The following SDK1 variants were observed in gnomAD, a reference collection of about 807,000 sequenced individuals.
SDK1 encodes the protein sidekick cell adhesion molecule 1.
SDK1 carries 157 observed loss-of-function variants against 245.5 expected under a neutral mutation model. That is an observed-to-expected ratio of 0.64 (90% CI 0.56 to 0.73). The LOEUF (loss-of-function observed/expected upper bound fraction) is 0.73, where lower values mean the gene tolerates loss of function less well. Ranked by LOEUF, SDK1 falls within the 30% of genes least tolerant of loss-of-function variation. SDK1 has a pLI of 0.00. For missense variants in SDK1, 3,583 were observed against 3,002.3 expected (o/e 1.19, Z -4.52); for synonymous variants, 1,647 against 1,278.5 (o/e 1.29, Z -6.15).
At chr7:3,905,608 A>G (rs1403061082) in intron 5 of SDK1, among the ~76,000 whole-genome samples, 1 of 151,980 alleles carries the variant, frequency 6.6e-6, no homozygotes, top group African/African-American at 2.4e-5. Flanking sequence ...TTTCTTTAGA[A>G]TCATGTCCTT....
At chr7:3,681,427 C>T (rs117235587) in intron 4 of SDK1, among the ~76,000 whole-genome samples, 1 of 152,294 alleles carries the variant, frequency 6.6e-6, no homozygotes, top group East Asian at 1.9e-4. Flanking sequence ...CTGTACACAT[C>T]CCTGGTGTAC....
chr7:4,142,537 C>A (rs562667018), intron 28 of SDK1, among the ~76,000 whole-genome samples: 22 of 152,174 alleles, frequency 1.4e-4, no homozygotes, highest in African/African-American at 5.3e-4. Context: ...CCATTTTGGT[C>A]AGGCTGGCCT....
At chr7:3,994,729 A>G (rs969626245) in intron 14 of SDK1, among the ~76,000 whole-genome samples, 12 of 151,922 alleles carry the variant, frequency 7.9e-5, no homozygotes, top group Admixed American at 3.3e-4. Context: ...AATAAATTTT[A>G]TAGGGTTTAC....
rs1780351696 is a variant in SDK1 at position 4,151,122 on chromosome 7, C to T, written c.4625+1659C>T. On this transcript the variant is annotated intron_variant, in intron 30 of 44. Transcript: ENST00000404826. ...GTCCCCAGGAGGCACAGCTGGGTGT[C>T]AAATGCAAATCCTGACCAGAGTCCC... 2.0e-5 allele frequency among the ~76,000 whole-genome samples: 3 copies of T among 152,198 alleles called. No homozygotes were observed. In the South Asian group the frequency reaches 6.2e-4, roughly 32 times the overall value.
intron 1 of SDK1, among the ~76,000 whole-genome samples, chr7:3,363,793 C>A (rs1589545): frequency 6.6e-6 from 1 of 152,118 alleles, no homozygotes. Flanking sequence ...GTCCACTGCT[C>A]CCCTCCTGCT....
At chr7:3,304,907 A>G (rs1212769138) in intron 1 of SDK1, among the ~76,000 whole-genome samples, 2 of 152,306 alleles carry the variant, frequency 1.3e-5, no homozygotes, top group South Asian at 2.1e-4. Context: ...TGATCTGGGC[A>G]TCAGGATGCT....
chr7:3,993,416 CA>C (rs1784488820), intron 14 of SDK1, among the ~76,000 whole-genome samples: 1 of 152,014 alleles, frequency 6.6e-6, no homozygotes, highest in South Asian at 2.1e-4. Flanking sequence ...TTGCAGGTAA[CA>C]AACATATTAA....
intron 5 of SDK1, among the ~76,000 whole-genome samples, chr7:3,879,084 AC>A (rs1219749603): frequency 6.6e-6 from 1 of 152,160 alleles, no homozygotes; most frequent in African/African-American, 2.4e-5. Context: ...TGGTCTCCCC[AC>A]CTTTACGATT....
chr7:3,510,891 A>G (rs572464317), intron 1 of SDK1, among the ~76,000 whole-genome samples: 3 of 152,324 alleles, frequency 2.0e-5, no homozygotes, highest in East Asian at 1.9e-4. Flanking sequence ...TGCAGCCGCC[A>G]TTTCAAAATA....
chr7:3,681,434 G>A (rs1784097707), intron 4 of SDK1, among the ~76,000 whole-genome samples: 1 of 152,170 alleles, frequency 6.6e-6, no homozygotes, highest in East Asian at 1.9e-4. Flanking sequence ...CATCCCTGGT[G>A]TACTTGTGGA....
At chr7:4,155,625 A>G (rs956307792) in intron 30 of SDK1, among the ~76,000 whole-genome samples, 2 of 152,248 alleles carry the variant, frequency 1.3e-5, no homozygotes, top group African/African-American at 2.4e-5. Context: ...TCGCAAATAA[A>G]TAAATAAGTA....
intron 1 of SDK1, among the ~76,000 whole-genome samples, chr7:3,442,310 G>T (rs1422170173): frequency 6.6e-6 from 1 of 152,154 alleles, no homozygotes; most frequent in Non-Finnish European, 1.5e-5. Context: ...GGAAGCCAAG[G>T]TTCAACTCGT....
At chr7:3,544,247 A>G (rs1779146772) in intron 1 of SDK1, among the ~76,000 whole-genome samples, 1 of 152,256 alleles carries the variant, frequency 6.6e-6, no homozygotes, top group South Asian at 2.1e-4. Context: ...TTGGTTCCCA[A>G]CAGTTTATAA....
At chr7:4,200,088 C>A (rs1247132679) in intron 35 of SDK1, among the ~76,000 whole-genome samples, 1 of 152,142 alleles carries the variant, frequency 6.6e-6, no homozygotes, top group Non-Finnish European at 1.5e-5. Flanking sequence ...GAGTGATACT[C>A]CATCCCCCCA....
chr7:3,915,870 CT>C (rs1779358001), intron 5 of SDK1, among the ~76,000 whole-genome samples: 2 of 152,270 alleles, frequency 1.3e-5, no homozygotes, highest in African/African-American at 4.8e-5. Flanking sequence ...TTTTTACTTA[CT>C]TTTTTATTTA....
chr7:3,367,346 A>G (rs1218050408), intron 1 of SDK1, among the ~76,000 whole-genome samples: 1 of 152,162 alleles, frequency 6.6e-6, no homozygotes, highest in Non-Finnish European at 1.5e-5. Flanking sequence ...AGAAAATAAA[A>G]TAGAAAAGTT....
At chr7:3,670,642 GA>G (rs1783670839) in intron 4 of SDK1, among the ~76,000 whole-genome samples, 2 of 152,184 alleles carry the variant, frequency 1.3e-5, no homozygotes, top group East Asian at 3.9e-4. Context: ...TTTGCTTAAC[GA>G]ACCACCTCCC....
chr7:4,107,490 C>T (rs10227278), intron 22 of SDK1, among the ~76,000 whole-genome samples: 76,639 of 148,534 alleles, frequency 0.52, 21,190 homozygotes, highest in African/African-American at 0.73. Flanking sequence ...CTTTCTTCTT[C>T]TTTTTTTTTT....
intron 1 of SDK1, among the ~76,000 whole-genome samples, chr7:3,482,643 C>T (rs1375978549): frequency 6.6e-6 from 1 of 152,212 alleles, no homozygotes; most frequent in East Asian, 1.9e-4. Flanking sequence ...TGCTATCCTA[C>T]TGGGGAGGTC....
Sources: gnomAD v4.1 joint callset for allele counts (sites outside exome capture counted in the v4.1 genomes callset) on GRCh38, gnomAD v4.1.1 for gene constraint, MANE v1.5 for transcripts, NCBI Gene and HGNC (gene_info 2026-07-23, HGNC 2026-07-21) for gene names.